The following FABP7 variants were observed in gnomAD, a reference collection of about 807,000 sequenced individuals.
FABP7 encodes the protein fatty acid-binding protein, brain.
A neutral mutation model predicts 14.2 loss-of-function variants in FABP7; 13 were observed. That is an observed-to-expected ratio of 0.91 (90% CI 0.59 to 1.45). FABP7 has a LOEUF of 1.45. Among genes scored for constraint, FABP7 ranks in the 40% most tolerant of loss-of-function variants. The pLI is 0.00. For synonymous variants in FABP7, 49 were observed against 51.4 expected (o/e 0.95, Z 0.20); for missense variants, 149 against 157.6 (o/e 0.95, Z 0.29).
At chr6:122,759,345 C>G in the FABP7 span, among the ~76,000 whole-genome samples, 84 of 152,274 alleles carry the variant, frequency 5.5e-4, no homozygotes, top group East Asian at 0.014. Context: ...AGCTAAAAAT[C>G]TAGACATCCA....
the FABP7 span, among the ~76,000 whole-genome samples, chr6:122,771,917 A>G: frequency 2.6e-5 from 4 of 152,220 alleles, no homozygotes; most frequent in Non-Finnish European, 5.9e-5. Context: ...TGGAGCACAT[A>G]TCAAGTGGAC....
At chr6:122,781,503 G>T in intron 3 of FABP7, 1 of 1,346,842 alleles carries the variant, frequency 7.4e-7, no homozygotes, top group Non-Finnish European at 9.5e-7. Flanking sequence ...GATAACTATG[G>T]ATGTCTCTCA....
At chr6:122,766,968 G>A in the FABP7 span, among the ~76,000 whole-genome samples, 1 of 151,960 alleles carries the variant, frequency 6.6e-6, no homozygotes, top group African/African-American at 2.4e-5. Context: ...CTATATAACA[G>A]TAACAAACTA....
the FABP7 span, among the ~76,000 whole-genome samples, chr6:122,752,039 T>C: frequency 2.6e-5 from 4 of 152,090 alleles, no homozygotes; most frequent in African/African-American, 9.7e-5. Context: ...CTTCTGTAAC[T>C]GAAAAACCAC....
At chr6:122,773,174 T>A in the FABP7 span, among the ~76,000 whole-genome samples, 4 of 152,208 alleles carry the variant, frequency 2.6e-5, no homozygotes, top group African/African-American at 4.8e-5. Flanking sequence ...AATTTCTATA[T>A]ATCTCCAGAA....
Position 122,780,397 on chromosome 6 carries a change from C to T in FABP7, c.180C>T (p.Asn60=). Reference sequence around the variant, plus strand: ...TCAGGACTCTCAGCACATTCAAGAACACGGAGATTAGTTTCCAGCTGGGAG... The same window carrying T: ...TCAGGACTCTCAGCACATTCAAGAATACGGAGATTAGTTTCCAGCTGGGAG... The part of the protein sequence containing the change: ...VVIRTLSTFK[N]TEISFQLGEE... The change falls in exon 2 of 4, where the codon AAC becomes AAT. Residue 60 remains asparagine (N), a synonymous_variant. Coordinates refer to ENST00000368444, the MANE Select transcript of FABP7 (RefSeq NM_001446.5). The T allele has an allele frequency of 1.2e-6, 2 of 1,614,080 alleles. No homozygotes were observed. Among genetic ancestry groups the T allele is most frequent in the East Asian group, 2.2e-5 (1 of 44,868 alleles).
At chr6:122,750,581 T>C in the FABP7 span, among the ~76,000 whole-genome samples, 1 of 152,198 alleles carries the variant, frequency 6.6e-6, no homozygotes, top group Non-Finnish European at 1.5e-5. Flanking sequence ...CCCATGTCTT[T>C]GGATTTTTTC....
At chr6:122,763,616 G>C in the FABP7 span, among the ~76,000 whole-genome samples, 1 of 152,118 alleles carries the variant, frequency 6.6e-6, no homozygotes, top group Non-Finnish European at 1.5e-5. Context: ...TACAGAATGG[G>C]AGAAAATTTT....
chr6:122,783,417 G>A (rs999025569), intron 3 of FABP7: 123 of 984,684 alleles, frequency 1.2e-4, no homozygotes, highest in Non-Finnish European at 1.4e-4. Flanking sequence ...AGAAAACAAC[G>A]TAGACACTCC....
the FABP7 span, among the ~76,000 whole-genome samples, chr6:122,764,195 G>C: frequency 1.3e-5 from 2 of 152,168 alleles, no homozygotes; most frequent in Non-Finnish European, 2.9e-5. Context: ...ACACCATGGA[G>C]TACTATGCAG....
At chr6:122,771,588 G>A in the FABP7 span, among the ~76,000 whole-genome samples, 1 of 152,112 alleles carries the variant, frequency 6.6e-6, no homozygotes, top group Non-Finnish European at 1.5e-5. Context: ...TTCCACATAT[G>A]GCATGGCACA....
the FABP7 span, among the ~76,000 whole-genome samples, chr6:122,767,755 GAAAA>G: frequency 1.7e-5 from 2 of 116,352 alleles, no homozygotes. Context: ...CCACTAAAAG[GAAAA>G]AAAAAAAAAA....
chr6:122,749,502 G>A, the FABP7 span, among the ~76,000 whole-genome samples: 1 of 152,068 alleles, frequency 6.6e-6, no homozygotes, highest in Non-Finnish European at 1.5e-5. Context: ...AAGTGTCTTT[G>A]TTTCTTAAGG....
At chr6:122,775,952 A>G (rs1204352205), upstream of FABP7, among the ~76,000 whole-genome samples, 3 of 152,266 alleles carry the variant, frequency 2.0e-5, no homozygotes, top group East Asian at 5.8e-4. Flanking sequence ...AATACTCAAC[A>G]CCACTAATTA....
chr6:122,778,985 A>T (rs1237537409), upstream of FABP7, among the ~76,000 whole-genome samples: 1 of 151,798 alleles, frequency 6.6e-6, no homozygotes, highest in Non-Finnish European at 1.5e-5. Context: ...TCCTAACCAT[A>T]CTCTTCCTTA....
At chr6:122,763,569 C>T in the FABP7 span, among the ~76,000 whole-genome samples, 14 of 152,204 alleles carry the variant, frequency 9.2e-5, no homozygotes, top group East Asian at 1.5e-3. Flanking sequence ...AGCTTCTGCA[C>T]GGCAAAAGAA....
intron 3 of FABP7, chr6:122,782,461 C>T (rs1252979045): frequency 2.2e-6 from 2 of 917,390 alleles, no homozygotes; most frequent in Non-Finnish European, 2.6e-6. Flanking sequence ...AGACTTTTTC[C>T]TCTGTTTTTG....
the FABP7 span, among the ~76,000 whole-genome samples, chr6:122,769,986 G>T: frequency 6.6e-6 from 1 of 152,006 alleles, no homozygotes; most frequent in African/African-American, 2.4e-5. Flanking sequence ...TCAATGGCCC[G>T]CTTGTAATTT....
chr6:122,757,696 C>T, the FABP7 span, among the ~76,000 whole-genome samples: 289 of 151,958 alleles, frequency 1.9e-3, 5 homozygotes, highest in South Asian at 0.035. Context: ...TGTAGGTCTG[C>T]GCTGAAAATT....
Sources: gnomAD v4.1 joint callset for allele counts (sites outside exome capture counted in the v4.1 genomes callset) on GRCh38, gnomAD v4.1.1 for gene constraint, MANE v1.5 for transcripts, NCBI Gene and HGNC (gene_info 2026-07-23, HGNC 2026-07-21) for gene names.